PLEKHD1: variants seen among roughly 807,000 people sequenced by gnomAD.
PLEKHD1 encodes the protein pleckstrin homology domain-containing family D member 1.
PLEKHD1 carries 51 observed loss-of-function variants against 69.2 expected under a neutral mutation model. The observed-to-expected ratio is 0.74, with a 90% confidence interval of 0.59 to 0.93. PLEKHD1 has a LOEUF of 0.93. Ranked by LOEUF, PLEKHD1 falls within the 40% of genes least tolerant of loss-of-function variation. PLEKHD1 has a pLI of 0.00. For synonymous variants in PLEKHD1, 236 were observed against 244.7 expected (o/e 0.96, Z 0.33); for missense variants, 584 against 641.0 (o/e 0.91, Z 0.96).
chr14:69,526,021 G>C lies in PLEKHD1; in HGVS notation c.822G>C (p.Gln274His), dbSNP rs753836981. ...NENHLQTLAN[Q>H]SEQPPPSGGL... ...ACCACCTGCAGACACTGGCCAATCA[G>C]AGTGAGCAGCCCCCTCCCAGTGGGG... Residue 274 changes from glutamine to histidine, a missense_variant, in exon 9 of 13, where the codon CAG becomes CAC. Transcript: ENST00000322564. 1.3e-6 allele frequency: 2 copies of C among 1,551,690 alleles called. No individual in the cohort carries two copies. The highest frequency in any genetic ancestry group is 2.4e-5 in the South Asian group (2 of 84,054).
intron 11 of PLEKHD1, 102 bp downstream of exon 11, chr14:69,527,434 A>G (rs1332370643): frequency 1.4e-6 from 2 of 1,471,900 alleles, no homozygotes; most frequent in East Asian, 2.5e-5. Context: ...TCTGCTAGGC[A>G]TGAGGTGCTC....
chr14:69,500,511 C>A (rs949438862), intron 2 of PLEKHD1, 66 bp from the exon 3 acceptor site: 23 of 1,358,222 alleles, frequency 1.7e-5, no homozygotes, highest in Non-Finnish European at 2.2e-5. Flanking sequence ...TGTCCAGGGG[C>A]CCCCAGAACC....
Position 69,484,840 on chromosome 14 carries a change from C to G in PLEKHD1, c.-126C>G. The G allele has an allele frequency of 8.5e-7, 1 of 1,172,084 alleles. No individual in the cohort carries two copies. The highest frequency in any genetic ancestry group is 1.2e-6 in the Non-Finnish European group (1 of 848,430). 72.6% of individuals were successfully genotyped at this position (1,172,084 alleles called of 1,614,324 possible). On this transcript the variant is annotated 5_prime_UTR_variant, in exon 1 of 13. Transcript: ENST00000322564. ...CGCGCTTTGATGCTGCAGCTCCGGG[C>G]CGGGCCGCTCTGCTTCTCTGCTCGC...
upstream of PLEKHD1, among the ~76,000 whole-genome samples, chr14:69,480,657 T>TTTTTTC (rs202092075): frequency 0.17 from 26,535 of 151,712 alleles, 2,495 homozygotes; most frequent in Middle Eastern, 0.26. Context: ...TAAGATTTTT[T>TTTTTTC]TTTTTCTTTT....
intron 6 of PLEKHD1, among the ~76,000 whole-genome samples, chr14:69,520,941 T>TG (rs1359761349): frequency 6.6e-6 from 1 of 152,144 alleles, no homozygotes; most frequent in African/African-American, 2.4e-5. Flanking sequence ...AGGTGCACTG[T>TG]GGCCATGTGG....
At chr14:69,493,559 C>A (rs1322820715) in intron 1 of PLEKHD1, among the ~76,000 whole-genome samples, 1 of 152,222 alleles carries the variant, frequency 6.6e-6, no homozygotes, top group Admixed American at 6.5e-5. Context: ...TATTTAACTT[C>A]TCTTAGAGTT....
At chr14:69,496,563 T>A (rs897405080) in intron 1 of PLEKHD1, among the ~76,000 whole-genome samples, 5 of 152,068 alleles carry the variant, frequency 3.3e-5, no homozygotes, top group African/African-American at 1.2e-4. Flanking sequence ...TCTTGATCTG[T>A]CACCCAGGCT....
intron 6 of PLEKHD1, among the ~76,000 whole-genome samples, chr14:69,515,026 C>T (rs112838189): frequency 8.7e-4 from 133 of 152,166 alleles, no homozygotes; most frequent in Non-Finnish European, 1.3e-3. Context: ...GGCGAAATCC[C>T]GTCTCTACTA....
At chr14:69,469,545 G>T in the PLEKHD1 span, among the ~76,000 whole-genome samples, 6 of 152,136 alleles carry the variant, frequency 3.9e-5, no homozygotes, top group Admixed American at 3.3e-4. Flanking sequence ...GAGTAGCTGG[G>T]ACCACAGGTG....
chr14:69,519,763 G>A (rs1426660867), intron 6 of PLEKHD1, among the ~76,000 whole-genome samples: 2 of 152,218 alleles, frequency 1.3e-5, no homozygotes, highest in South Asian at 2.1e-4. Context: ...GGAAATGTTT[G>A]TAAGTTGGAG....
chr14:69,489,445 G>A (rs1466551422), intron 1 of PLEKHD1, among the ~76,000 whole-genome samples: 4 of 149,392 alleles, frequency 2.7e-5, no homozygotes, highest in Admixed American at 2.0e-4. Flanking sequence ...TGTAATCCCA[G>A]CTACTCAGGA....
At position 69,497,155 on chromosome 14, in the gene PLEKHD1, G is replaced by A. The variant is rs140322130; in HGVS notation, c.150-2960G>A. 5.3e-5 allele frequency among the ~76,000 whole-genome samples: 8 copies of A among 152,242 alleles called. No individual in the cohort carries two copies. In the East Asian group the frequency reaches 1.4e-3, roughly 26 times the overall value. On this transcript the variant is annotated intron_variant, in intron 1 of 12. Transcript: ENST00000322564. ...TCCGCAGATTGGTGGGGTGATGAGC[G>A]CAATCTCATTTGACCCTCAAAATAA...
chr14:69,518,688 GGAGGA>G (rs974308966), intron 6 of PLEKHD1, among the ~76,000 whole-genome samples: 2 of 152,180 alleles, frequency 1.3e-5, no homozygotes, highest in Non-Finnish European at 2.9e-5. Flanking sequence ...TCTTTGGCTT[GGAGGA>G]GAGGAGACTT....
the PLEKHD1 span, among the ~76,000 whole-genome samples, chr14:69,474,625 T>C: frequency 2.0e-5 from 3 of 152,244 alleles, no homozygotes; most frequent in East Asian, 1.9e-4. Context: ...GTAAGCTGTT[T>C]GGGAGTTCTG....
At position 69,528,306 on chromosome 14, in the gene PLEKHD1, C is replaced by T. The variant is rs1883707843; in HGVS notation, c.1408C>T (p.Leu470=). The change falls in exon 13 of 13, where the codon CTA becomes TTA. Residue 470 remains leucine, a synonymous_variant. Transcript: ENST00000322564. Reference sequence around the variant, plus strand: ...GCTGGATGCCAACAACATGGAGGAGCTAAAGGAGGTGGCCAAGCGGCTCAG... The same window carrying T: ...GCTGGATGCCAACAACATGGAGGAGTTAAAGGAGGTGGCCAAGCGGCTCAG... ...SQLDANNMEE[L]KEVAKRLSRD... is the part of the protein sequence containing the mutation. The T allele has an allele frequency of 1.3e-5, 20 of 1,551,592 alleles. No homozygotes were observed. The highest frequency in any genetic ancestry group is 1.7e-5 in the Non-Finnish European group (20 of 1,147,000).
At chr14:69,489,009 C>T (rs1882714028) in intron 1 of PLEKHD1, among the ~76,000 whole-genome samples, 1 of 123,954 alleles carries the variant, frequency 8.1e-6, no homozygotes, top group African/African-American at 2.7e-5. Flanking sequence ...AAATGATACA[C>T]ATCAGGTCAC....
rs1253418572 is a variant in PLEKHD1 at position 69,522,370 on chromosome 14, A to G, written c.643A>G (p.Ile215Val). The G allele has an allele frequency of 6.4e-7, 1 of 1,551,320 alleles. No individual in the cohort carries two copies. The highest frequency in any genetic ancestry group is 1.4e-5 in the African/African-American group (1 of 73,008). The change falls in exon 7 of 13, where the codon ATC becomes GTC. Residue 215 changes from isoleucine to valine, a missense_variant. By Grantham distance (29) the Ile-to-Val change is conservative. Coordinates refer to ENST00000322564, the MANE Select transcript of PLEKHD1 (RefSeq NM_001161498.2). ...VQELRMEQEQ[I>V]KRELELTARC... is the part of the protein sequence containing the mutation. ...GGAGCTGAGAATGGAGCAGGAGCAG[A>G]TCAAGAGGTGGTGGTGGTGCCTGGG...
the PLEKHD1 span, among the ~76,000 whole-genome samples, chr14:69,468,528 A>G: frequency 6.6e-6 from 1 of 150,834 alleles, no homozygotes; most frequent in African/African-American, 2.4e-5. Context: ...GACAATCACC[A>G]TATATTTCCT....
chr14:69,476,190 G>GGAAGTT, the PLEKHD1 span, among the ~76,000 whole-genome samples: 1 of 148,062 alleles, frequency 6.8e-6, no homozygotes, highest in Non-Finnish European at 1.5e-5. Context: ...CCCAGGAGGT[G>GGAAGTT]GAAGTTGCAG....
Sources: gnomAD v4.1 joint callset for allele counts (sites outside exome capture counted in the v4.1 genomes callset) on GRCh38, gnomAD v4.1.1 for gene constraint, MANE v1.5 for transcripts, NCBI Gene and HGNC (gene_info 2026-07-23, HGNC 2026-07-21) for gene names.